Variants in FER observed in about 807,000 individuals in gnomAD.
FER encodes FER tyrosine kinase.
In FER, 63 loss-of-function variants were observed where a neutral mutation model predicts 111.0. The ratio of observed to expected loss-of-function variants is 0.57; its 90% CI spans 0.46 to 0.70. FER has a LOEUF of 0.70. Ranked by LOEUF, FER falls within the 30% of genes least tolerant of loss-of-function variation. The pLI, the probability that FER is intolerant of heterozygous loss-of-function variation, is 0.00. For synonymous variants in FER, 327 were observed against 313.9 expected (o/e 1.04, Z -0.44); for missense variants, 914 against 954.0 (o/e 0.96, Z 0.55).
At chr5:109,024,308 C>G (rs765601791) in intron 13 of FER, among the ~76,000 whole-genome samples, 4 of 152,126 alleles carry the variant, frequency 2.6e-5, no homozygotes, top group African/African-American at 7.2e-5. Context: ...TTCCAACAGC[C>G]CAACAAAATG....
chr5:109,008,889 G>A (rs1328999586), intron 13 of FER, among the ~76,000 whole-genome samples: 1 of 152,072 alleles, frequency 6.6e-6, no homozygotes, highest in South Asian at 2.1e-4. Flanking sequence ...AGAATTGCTT[G>A]AACCTGGGAG....
At chr5:108,804,933 T>A (rs1757040036) in intron 3 of FER, among the ~76,000 whole-genome samples, 1 of 152,014 alleles carries the variant, frequency 6.6e-6, no homozygotes, top group African/African-American at 2.4e-5. Flanking sequence ...TCTTTGTACA[T>A]CTAGTAGAAT....
chr5:108,817,866 T>C (rs1758440659), intron 3 of FER, among the ~76,000 whole-genome samples: 1 of 152,226 alleles, frequency 6.6e-6, no homozygotes, highest in African/African-American at 2.4e-5. Context: ...TTATATCATG[T>C]ATTAATCTTA....
chr5:109,069,647 G>T (rs1236985168), intron 16 of FER, among the ~76,000 whole-genome samples: 1 of 152,102 alleles, frequency 6.6e-6, no homozygotes, highest in Non-Finnish European at 1.5e-5. Flanking sequence ...AGTGAGGATA[G>T]GTTCTGGTAG....
At chr5:108,935,271 T>G (rs1325178878) in intron 10 of FER, among the ~76,000 whole-genome samples, 1 of 152,152 alleles carries the variant, frequency 6.6e-6, no homozygotes, top group East Asian at 1.9e-4. Context: ...AATTGTTCCC[T>G]GCCTCTATCC....
intron 16 of FER, among the ~76,000 whole-genome samples, chr5:109,069,319 C>T (rs892496673): frequency 6.6e-6 from 1 of 152,114 alleles, no homozygotes; most frequent in African/African-American, 2.4e-5. Context: ...TAAGCAAAAT[C>T]ACAAGCTCAG....
chr5:108,846,676 G>C (rs943668083), intron 5 of FER, among the ~76,000 whole-genome samples: 1 of 151,806 alleles, frequency 6.6e-6, no homozygotes, highest in African/African-American at 2.4e-5. Flanking sequence ...TCTGCCTCCC[G>C]GGTTCACGCC....
chr5:109,174,420 GT>G (rs1757467143), intron 17 of FER, among the ~76,000 whole-genome samples: 1 of 151,848 alleles, frequency 6.6e-6, no homozygotes, highest in Non-Finnish European at 1.5e-5. Flanking sequence ...GTATTGCCTT[GT>G]TTTTGTTTTT....
intron 16 of FER, among the ~76,000 whole-genome samples, chr5:109,053,080 C>G (rs997454072): frequency 9.9e-5 from 15 of 152,038 alleles, no homozygotes; most frequent in African/African-American, 3.4e-4. Flanking sequence ...ATTAATGTCA[C>G]AAGTCTCAGA....
intron 13 of FER, among the ~76,000 whole-genome samples, chr5:109,034,992 G>A (rs1388280382): frequency 1.3e-5 from 2 of 149,764 alleles, no homozygotes; most frequent in Non-Finnish European, 3.0e-5. Flanking sequence ...ATTTTCCACA[G>A]GTTTTAAATA....
rs1206656543 is a variant in FER at position 109,195,250 on chromosome 5, T to C, written c.*7675T>C. On this transcript the variant is annotated 3_prime_UTR_variant, in exon 20 of 20. Coordinates refer to ENST00000281092, the MANE Select transcript of FER (RefSeq NM_005246.4). The stretch of plus-strand genomic sequence containing the variant: ...CTCCTTAATTAAAGTACGTTGCTTG[T>C]ATTTAGACTATAAGATGCTATGGAG... 15 of 152,142 alleles carry C rather than the reference T, an allele frequency of 9.9e-5. No individual in the cohort carries two copies. Among genetic ancestry groups the C allele is most frequent in the Admixed American group, 9.8e-4 (15 of 15,272 alleles). 9.4% of individuals were successfully genotyped at this position (152,142 alleles called of 1,614,324 possible).
At chr5:109,168,490 T>A (rs999614745) in intron 17 of FER, among the ~76,000 whole-genome samples, 1 of 151,974 alleles carries the variant, frequency 6.6e-6, no homozygotes. Context: ...TATTGAAGCC[T>A]CCATAAAAAC....
At chr5:109,028,010 A>G (rs930196521) in intron 13 of FER, among the ~76,000 whole-genome samples, 7 of 152,182 alleles carry the variant, frequency 4.6e-5, no homozygotes, top group Admixed American at 3.9e-4. Context: ...AAGTGATTTT[A>G]TATTTTATAG....
At chr5:109,042,754 T>A (rs985859596) in intron 14 of FER, among the ~76,000 whole-genome samples, 1 of 152,092 alleles carries the variant, frequency 6.6e-6, no homozygotes, top group Non-Finnish European at 1.5e-5. Flanking sequence ...AGACGAAGTA[T>A]CAGCTTCTGA....
intron 17 of FER, among the ~76,000 whole-genome samples, chr5:109,175,518 G>C (rs1225080068): frequency 1.3e-5 from 2 of 152,124 alleles, no homozygotes; most frequent in African/African-American, 4.8e-5. Flanking sequence ...TAGGAGAAAT[G>C]CTTCAGGACA....
At chr5:109,175,253 A>G (rs1446392726) in intron 17 of FER, among the ~76,000 whole-genome samples, 2 of 152,210 alleles carry the variant, frequency 1.3e-5, no homozygotes, top group Admixed American at 1.3e-4. Flanking sequence ...TGTGACTAAC[A>G]TTTATTGACA....
At chr5:109,009,862 C>T (rs1282412213) in intron 13 of FER, among the ~76,000 whole-genome samples, 1 of 152,148 alleles carries the variant, frequency 6.6e-6, no homozygotes, top group Non-Finnish European at 1.5e-5. Context: ...CCAGGTTTAA[C>T]AGTGTCATGA....
intron 2 of FER, among the ~76,000 whole-genome samples, chr5:108,795,910 T>A (rs1755963700): frequency 6.6e-6 from 1 of 152,220 alleles, no homozygotes; most frequent in South Asian, 2.1e-4. Flanking sequence ...TTTTCCTGGA[T>A]GGTCTTGAAT....
At chr5:109,180,282 T>C (rs1053061027) in intron 17 of FER, among the ~76,000 whole-genome samples, 6 of 152,178 alleles carry the variant, frequency 3.9e-5, no homozygotes, top group African/African-American at 1.4e-4. Flanking sequence ...CTACTCAGTA[T>C]CTACTAGGCA....
Sources: gnomAD v4.1 joint callset for allele counts (sites outside exome capture counted in the v4.1 genomes callset) on GRCh38, gnomAD v4.1.1 for gene constraint, MANE v1.5 for transcripts, NCBI Gene and HGNC (gene_info 2026-07-23, HGNC 2026-07-21) for gene names.